Variants in RPRD2 observed in about 807,000 individuals in gnomAD.
The protein encoded by RPRD2 is regulation of nuclear pre-mRNA domain containing 2.
RPRD2 carries 12 observed loss-of-function variants against 104.4 expected under a neutral mutation model. That is an observed-to-expected ratio of 0.11 (90% CI 0.07 to 0.19). The LOEUF (loss-of-function observed/expected upper bound fraction) is 0.19. Ranked by LOEUF, RPRD2 falls within the 10% of genes least tolerant of loss-of-function variation. The pLI is 1.00. For missense variants in RPRD2, 1,543 were observed against 1,790.1 expected, an observed-to-expected ratio of 0.86 and a Z score of 2.49; for synonymous variants, 714 against 684.9, an observed-to-expected ratio of 1.04 and a Z score of -0.66.
chr1:150,427,370 A>G (rs1274120654), intron 2 of RPRD2, among the ~76,000 whole-genome samples: 1 of 151,060 alleles, frequency 6.6e-6, no homozygotes, highest in Non-Finnish European at 1.5e-5. Context: ...CTACTTGGGA[A>G]GCTAAGGCAG....
intron 2 of RPRD2, among the ~76,000 whole-genome samples, chr1:150,431,269 A>G (rs56135589): frequency 0.015 from 2,255 of 152,222 alleles, 48 homozygotes; most frequent in African/African-American, 0.051. Flanking sequence ...GAATTACCAC[A>G]TGATCCAGCA....
At chr1:150,368,808 A>C (rs1660047830) in intron 1 of RPRD2, among the ~76,000 whole-genome samples, 1 of 151,954 alleles carries the variant, frequency 6.6e-6, no homozygotes, top group South Asian at 2.1e-4. Context: ...GGGTTTCACC[A>C]TGTTGGCCAG....
intron 2 of RPRD2, among the ~76,000 whole-genome samples, chr1:150,426,217 C>T (rs1486460744): frequency 6.6e-6 from 1 of 152,176 alleles, no homozygotes; most frequent in African/African-American, 2.4e-5. Flanking sequence ...ATTGCTCTAG[C>T]CAAACGCTCA....
chr1:150,408,427 T>TA (rs1663657434), intron 1 of RPRD2, among the ~76,000 whole-genome samples: 1 of 152,292 alleles, frequency 6.6e-6, no homozygotes, highest in East Asian at 1.9e-4. Flanking sequence ...GTGCTGGGAT[T>TA]ATAGGCATGA....
At chr1:150,405,576 C>T (rs1553886324) in intron 1 of RPRD2, among the ~76,000 whole-genome samples, 1 of 151,930 alleles carries the variant, frequency 6.6e-6, no homozygotes, top group Non-Finnish European at 1.5e-5. Flanking sequence ...TTCCTGGTTT[C>T]TCTCTCTCTC....
At chr1:150,398,495 CTATTT>C (rs587726840) in intron 1 of RPRD2, among the ~76,000 whole-genome samples, 11 of 151,814 alleles carry the variant, frequency 7.2e-5, no homozygotes, top group Middle Eastern at 3.4e-3. Flanking sequence ...CGTGCCTGGC[CTATTT>C]TATTTTATTT....
chr1:150,425,798 A>T (rs1388287025), intron 2 of RPRD2, among the ~76,000 whole-genome samples: 1 of 151,926 alleles, frequency 6.6e-6, no homozygotes, highest in Non-Finnish European at 1.5e-5. Context: ...CTACTTGGAG[A>T]TAGGAAACTG....
chr1:150,388,322 A>G (rs1268886620), intron 1 of RPRD2, among the ~76,000 whole-genome samples: 1 of 151,588 alleles, frequency 6.6e-6, no homozygotes, highest in African/African-American at 2.4e-5. Context: ...GTATATATGT[A>G]TGTGTATATA....
At chr1:150,376,516 A>G (rs1219490242) in intron 1 of RPRD2, among the ~76,000 whole-genome samples, 1 of 133,342 alleles carries the variant, frequency 7.5e-6, no homozygotes, top group Non-Finnish European at 1.6e-5. Flanking sequence ...TTTTTTTTTG[A>G]GACGGAATCT....
chr1:150,454,919 C>CA (rs11284664), intron 7 of RPRD2, among the ~76,000 whole-genome samples: 2 of 151,842 alleles, frequency 1.3e-5, no homozygotes, highest in African/African-American at 2.4e-5. Context: ...CATCAACTCT[C>CA]AAAAAAATGA....
Position 150,459,711 on chromosome 1 carries a change from G to C in RPRD2, c.1154-349G>C, listed in dbSNP as rs587673440. Among the ~76,000 whole-genome samples the C allele has an allele frequency of 2.7e-3, 412 of 151,596 alleles. 2 individuals are homozygous for C. The highest frequency in any genetic ancestry group is 9.4e-3 in the African/African-American group (387 of 41,280). On this transcript the variant is annotated intron_variant, in intron 8 of 10. Transcript: ENST00000369068. ...GGGTTCAAGCGATTCTCGTGTCTCA[G>C]CCTCTGTAGTAGCTGGGATTATAGA...
At chr1:150,399,373 T>A (rs1290212522) in intron 1 of RPRD2, among the ~76,000 whole-genome samples, 6 of 152,222 alleles carry the variant, frequency 3.9e-5, no homozygotes, top group African/African-American at 1.2e-4. Context: ...CTCAATTTTT[T>A]AAAATGGGTA....
chr1:150,460,395 GT>G lies in RPRD2; in HGVS notation c.1411+80del. The G allele has an allele frequency of 7.1e-5, 24 of 337,688 alleles. 1 individual carries two copies. In the Admixed American group the frequency reaches 1.4e-3, roughly 20 times the overall value. 20.9% of individuals were successfully genotyped at this position (337,688 alleles called of 1,614,324 possible). On this transcript the variant is annotated intron_variant, in intron 9 of 10. Coordinates refer to ENST00000369068, the MANE Select transcript of RPRD2 (RefSeq NM_015203.5). The stretch of plus-strand genomic sequence containing the variant: ...GAATCATTAATCTGTTTTTGGGGGG[GT>G]TGTTGTTGTTGTTGTTGTTGTTGTT...
At chr1:150,386,924 A>C (rs1661608491) in intron 1 of RPRD2, among the ~76,000 whole-genome samples, 1 of 152,158 alleles carries the variant, frequency 6.6e-6, no homozygotes, top group Non-Finnish European at 1.5e-5. Context: ...GATTGTTTAC[A>C]TTACTCTCAA....
intron 1 of RPRD2, among the ~76,000 whole-genome samples, chr1:150,365,479 C>A (rs587601554): frequency 6.6e-6 from 1 of 152,324 alleles, no homozygotes; most frequent in Admixed American, 6.5e-5. Flanking sequence ...CGGGTTTTCC[C>A]TGTACCTGTG....
chr1:150,438,629 CAA>C (rs141244603), intron 2 of RPRD2, among the ~76,000 whole-genome samples: 1 of 143,138 alleles, frequency 7.0e-6, no homozygotes, highest in Non-Finnish European at 1.5e-5. Context: ...ACTCTGTCTT[CAA>C]AAAAAAAAGA....
chr1:150,467,797 T>C (rs1668375022), intron 10 of RPRD2, among the ~76,000 whole-genome samples: 1 of 149,822 alleles, frequency 6.7e-6, no homozygotes, highest in African/African-American at 2.6e-5. Flanking sequence ...CCTCGAAGAC[T>C]GTTAATGAAA....
At chr1:150,464,300 C>T (rs1298256799) in intron 9 of RPRD2, among the ~76,000 whole-genome samples, 4 of 151,600 alleles carry the variant, frequency 2.6e-5, no homozygotes, top group South Asian at 4.2e-4. Flanking sequence ...TGAGCCACCT[C>T]GCCCGGCCAA....
chr1:150,453,321 G>A (rs1179984812), intron 7 of RPRD2, among the ~76,000 whole-genome samples: 2 of 152,074 alleles, frequency 1.3e-5, no homozygotes, highest in African/African-American at 2.4e-5. Flanking sequence ...GTGAGCCACC[G>A]CGCCTGGCCT....
Sources: gnomAD v4.1 joint callset for allele counts (sites outside exome capture counted in the v4.1 genomes callset) on GRCh38, gnomAD v4.1.1 for gene constraint, MANE v1.5 for transcripts, NCBI Gene and HGNC (gene_info 2026-07-23, HGNC 2026-07-21) for gene names.